The following ZC3H12C variants were observed in gnomAD, a reference collection of about 807,000 sequenced individuals.
ZC3H12C encodes probable ribonuclease ZC3H12C.
ZC3H12C carries 20 observed loss-of-function variants against 76.3 expected under a neutral mutation model. That is an observed-to-expected ratio of 0.26 (90% CI 0.18 to 0.38). The LOEUF is 0.38. ZC3H12C is among the 10% of genes least tolerant of loss of function. ZC3H12C has a pLI of 1.00. For synonymous variants in ZC3H12C, 352 were observed against 399.6 expected (o/e 0.88, Z 1.42); for missense variants, 874 against 1,086.5 (o/e 0.80, Z 2.75).
intron 1 of ZC3H12C, among the ~76,000 whole-genome samples, chr11:110,100,282 T>C (rs2134142899): frequency 6.7e-6 from 1 of 149,616 alleles, no homozygotes; most frequent in Non-Finnish European, 1.5e-5. Context: ...TGGGCTCAAG[T>C]GATCACCCGC....
At chr11:110,108,675 A>T (rs1029339981) in intron 1 of ZC3H12C, among the ~76,000 whole-genome samples, 17 of 152,196 alleles carry the variant, frequency 1.1e-4, no homozygotes, top group Admixed American at 5.2e-4. Context: ...CCATGTGCTG[A>T]TGACTACCAT....
rs564540270 is a variant in ZC3H12C at position 110,100,589 on chromosome 11, A to G, written c.21+7157A>G. ...GTCACGTCGTGGTAGTTCTTGCAATATTTCAAACTTTTTCATTTTTATTTT... is the reference window on the plus strand; with the variant it reads ...GTCACGTCGTGGTAGTTCTTGCAATGTTTCAAACTTTTTCATTTTTATTTT... On this transcript the variant is annotated intron_variant, in intron 1 of 5. Transcript: ENST00000278590. Among the ~76,000 whole-genome samples, 3 of 152,228 alleles carry G rather than the reference A, an allele frequency of 2.0e-5. No individual in the cohort carries two copies. The East Asian group carries it at 5.8e-4, about 29-fold the overall frequency.
chr11:110,104,385 A>G (rs1162825655), intron 1 of ZC3H12C, among the ~76,000 whole-genome samples: 1 of 152,182 alleles, frequency 6.6e-6, no homozygotes, highest in African/African-American at 2.4e-5. Flanking sequence ...ATATGGATTC[A>G]TGTTAGTGAT....
intron 2 of ZC3H12C, among the ~76,000 whole-genome samples, chr11:110,142,533 T>C (rs1043063056): frequency 2.0e-5 from 3 of 152,202 alleles, no homozygotes; most frequent in Non-Finnish European, 2.9e-5. Flanking sequence ...TTGCCTCAAA[T>C]TGTAGACCTT....
At chr11:110,156,104 T>A (rs1449168146) in intron 3 of ZC3H12C, among the ~76,000 whole-genome samples, 1 of 64,774 alleles carries the variant, frequency 1.5e-5, no homozygotes, top group African/African-American at 4.3e-5. Context: ...GCCAAACTAA[T>A]GGCAGAGGCA....
At chr11:110,131,413 TA>T (rs1397200572) in intron 1 of ZC3H12C, 1 of 339,000 alleles carries the variant, frequency 2.9e-6, no homozygotes, top group Non-Finnish European at 5.4e-6. Flanking sequence ...ATATTTTTGA[TA>T]AATGGTGGAT....
At chr11:110,101,039 G>A (rs530524668) in intron 1 of ZC3H12C, among the ~76,000 whole-genome samples, 4 of 152,142 alleles carry the variant, frequency 2.6e-5, no homozygotes, top group Admixed American at 6.5e-5. Flanking sequence ...AAAAGAAAGG[G>A]AAACAGCCTT....
rs766173520 is a variant in ZC3H12C at position 110,168,975 on chromosome 11, CAG to C, written c.*3239_*3240del. 7 of 151,866 alleles carry C rather than the reference CAG, an allele frequency of 4.6e-5. No individual in the cohort carries two copies. Among genetic ancestry groups the C allele is most frequent in the African/African-American group, 9.7e-5 (4 of 41,356 alleles). The allele number at this position is 151,866 out of a possible 1,614,324, so 9.4% of individuals were successfully genotyped here. On this transcript the variant is annotated 3_prime_UTR_variant, in exon 6 of 6. Coordinates refer to ENST00000278590, the MANE Select transcript of ZC3H12C (RefSeq NM_033390.2). ...TGTATTTGTTATGAGGTATTAAAAA[CAG>C]GGGTTGGGGGGAGTGCTTCTGATGG... is the stretch of plus-strand genomic sequence containing the variant.
At chr11:110,110,993 G>T (rs1861417847) in intron 1 of ZC3H12C, among the ~76,000 whole-genome samples, 2 of 152,146 alleles carry the variant, frequency 1.3e-5, no homozygotes, top group African/African-American at 2.4e-5. Context: ...TTGTACTGCT[G>T]GCGTGGATGT....
chr11:110,103,805 G>A (rs183404313), intron 1 of ZC3H12C, among the ~76,000 whole-genome samples: 7 of 151,964 alleles, frequency 4.6e-5, no homozygotes, highest in Admixed American at 1.3e-4. Context: ...GGGTTTCACC[G>A]TGTTAGCCAG....
chr11:110,165,701 A>T lies in ZC3H12C; in HGVS notation c.2616A>T (p.Ala872=), dbSNP rs765643990. The stretch of plus-strand genomic sequence containing the variant: ...TGACAGACGCCCAGCAGCTCGCCGC[A>T]GCCATTTTAGTGGAGAAATCCCAGC... ...PHMTDAQQLA[A]AILVEKSQLG... is the part of the protein sequence containing the mutation. The change falls in exon 6 of 6, where the codon GCA becomes GCT. Residue 872 remains alanine, a synonymous_variant. Transcript: ENST00000278590. The T allele has an allele frequency of 1.4e-5, 23 of 1,591,800 alleles. No homozygotes were observed. Among genetic ancestry groups the T allele is most frequent in the Middle Eastern group, 1.7e-4 (1 of 6,060 alleles).
rs562234880 is a variant in ZC3H12C, at chr11:110,171,094, G to A, written c.*5357G>A. The A allele has an allele frequency of 6.9e-4, 105 of 152,346 alleles. No individual in the cohort carries two copies. Among genetic ancestry groups the A allele is most frequent in the African/African-American group, 2.5e-3 (104 of 41,586 alleles). The allele number at this position is 152,346 out of a possible 1,614,324, so 9.4% of individuals were successfully genotyped here. On this transcript the variant is annotated 3_prime_UTR_variant, in exon 6 of 6. Transcript: ENST00000278590. ...CCAAATTTGCCAATTTTCTGTCCAA[G>A]TGTTTCAGATGAATAACAAAACGCT...
chr11:110,152,658 C>T (rs971276630), intron 2 of ZC3H12C, among the ~76,000 whole-genome samples: 1 of 152,052 alleles, frequency 6.6e-6, no homozygotes, highest in African/African-American at 2.4e-5. Flanking sequence ...GACTAGTTAA[C>T]CTTTAGAGCT....
At chr11:110,145,152 T>G (rs1591479446) in intron 2 of ZC3H12C, among the ~76,000 whole-genome samples, 1 of 152,280 alleles carries the variant, frequency 6.6e-6, no homozygotes, top group East Asian at 1.9e-4. Context: ...GCTAATATAG[T>G]GCCATTAATA....
intron 1 of ZC3H12C, chr11:110,130,952 A>C: frequency 7.2e-7 from 1 of 1,381,360 alleles, no homozygotes; most frequent in Non-Finnish European, 9.8e-7. Context: ...CTGTTATTCC[A>C]CTCGGTAATA....
intron 1 of ZC3H12C, chr11:110,124,023 T>C (rs778684146): frequency 6.6e-6 from 1 of 152,192 alleles, no homozygotes; most frequent in African/African-American, 2.4e-5. Context: ...CAAAGAGAAA[T>C]GTGCAGTTGA....
chr11:110,147,973 A>G (rs1180381341), intron 2 of ZC3H12C, among the ~76,000 whole-genome samples: 1 of 152,218 alleles, frequency 6.6e-6, no homozygotes, highest in African/African-American at 2.4e-5. Context: ...GGAATCATCC[A>G]TCCATCCAGA....
intron 1 of ZC3H12C, among the ~76,000 whole-genome samples, chr11:110,128,888 A>C (rs1311903057): frequency 8.7e-6 from 1 of 115,106 alleles, no homozygotes; most frequent in Non-Finnish European, 1.8e-5. Context: ...ACCACCACTA[A>C]CAAAAAAAAA....
chr11:110,135,252 G>T (rs1315242822), intron 1 of ZC3H12C, among the ~76,000 whole-genome samples: 1 of 152,088 alleles, frequency 6.6e-6, no homozygotes, highest in Non-Finnish European at 1.5e-5. Flanking sequence ...CATTTTGGGA[G>T]GCCAAGGCGG....
Sources: allele counts gnomAD v4.1 joint callset (sites outside exome capture counted in the v4.1 genomes callset), GRCh38; gene constraint gnomAD v4.1.1; transcripts MANE v1.5; gene names NCBI Gene and HGNC (gene_info 2026-07-23, HGNC 2026-07-21).